The following TNS1 variants were observed in gnomAD, a reference collection of about 807,000 sequenced individuals.
The protein encoded by TNS1 is tensin 1, also known as tensin-1.
Under a neutral mutation model 168.6 loss-of-function variants are expected in TNS1, and 62 were observed. The observed-to-expected ratio is 0.37, with a 90% CI of 0.30 to 0.45. TNS1 has a LOEUF of 0.45. Among genes scored for constraint, TNS1 ranks in the 20% least tolerant of loss-of-function variants. TNS1 has a pLI of 1.00. For missense variants in TNS1, 2,240 were observed against 2,339.4 expected (o/e 0.96, Z 0.88); for synonymous variants, 934 against 933.2 (o/e 1.00, Z -0.02).
intron 4 of TNS1, among the ~76,000 whole-genome samples, chr2:217,916,841 G>A (rs553530803): frequency 7.2e-5 from 11 of 152,168 alleles, no homozygotes; most frequent in Non-Finnish European, 1.2e-4. Flanking sequence ...TCCAGACAGA[G>A]AGCTGGAACT....
chr2:217,871,137 G>A (rs1191271275), intron 18 of TNS1, among the ~76,000 whole-genome samples: 1 of 152,210 alleles, frequency 6.6e-6, no homozygotes, highest in African/African-American at 2.4e-5. Context: ...GAGGACAAGA[G>A]GACCAATCTG....
intron 3 of TNS1, among the ~76,000 whole-genome samples, chr2:217,955,116 T>C (rs1275415760): frequency 2.6e-5 from 4 of 152,232 alleles, no homozygotes; most frequent in African/African-American, 9.6e-5. Context: ...GAGGAGAAAC[T>C]GCTGGCTAAT....
In TNS1 at chr2:217,893,429, C is replaced by CAT. The variant is rs768362246; in HGVS notation, c.717+9_717+10insAT. ...ACACACACACACACACACACACACA[C>CAT]AGCTCTGACCTTGTTGTGTAGAACA... is the stretch of plus-strand genomic sequence containing the variant. On this transcript the variant is annotated intron_variant, in intron 10 of 32. Transcript: ENST00000682258. The CAT allele has an allele frequency of 4.1e-5, 66 of 1,590,966 alleles. No homozygotes were observed. Among genetic ancestry groups the CAT allele is most frequent in the Non-Finnish European group, 5.1e-5 (60 of 1,165,196 alleles).
chr2:217,979,218 A>C (rs971311058), intron 2 of TNS1, among the ~76,000 whole-genome samples: 3 of 152,090 alleles, frequency 2.0e-5, no homozygotes, highest in Non-Finnish European at 2.9e-5. Context: ...CGCAAACCAC[A>C]ATCACACTTA....
chr2:217,894,710 G>A (rs531432072), intron 9 of TNS1, among the ~76,000 whole-genome samples: 3 of 152,084 alleles, frequency 2.0e-5, no homozygotes, highest in South Asian at 2.1e-4. Flanking sequence ...CGAAAGCAGC[G>A]GCTCCCAACT....
At chr2:217,849,786 C>A in intron 18 of TNS1, 1 of 985,410 alleles carries the variant, frequency 1.0e-6, no homozygotes, top group African/African-American at 1.7e-5. Context: ...CCAGTCGCCC[C>A]GAGGATAGCC....
intron 10 of TNS1, 59 bp downstream of exon 10, chr2:217,893,380 A>G (rs1246760478): frequency 1.3e-6 from 2 of 1,515,394 alleles, no homozygotes; most frequent in Non-Finnish European, 1.8e-6. Flanking sequence ...GCACACACAC[A>G]TGTGCGCATG....
chr2:217,946,649 G>A (rs1957111861), intron 3 of TNS1, among the ~76,000 whole-genome samples: 1 of 152,060 alleles, frequency 6.6e-6, no homozygotes, highest in East Asian at 1.9e-4. Context: ...GTGACAGATT[G>A]GGCTGGGAGA....
chr2:217,982,838 C>A (rs895487119), intron 2 of TNS1, among the ~76,000 whole-genome samples: 4 of 152,230 alleles, frequency 2.6e-5, no homozygotes, highest in African/African-American at 9.6e-5. Context: ...AGGCCATCTC[C>A]TGGGTCCTAC....
intron 6 of TNS1, chr2:217,901,985 G>C (rs915120482): frequency 6.6e-6 from 1 of 152,336 alleles, no homozygotes; most frequent in Non-Finnish European, 1.5e-5. Context: ...AGCAGTGAAG[G>C]AGGGAAGAGC....
intron 3 of TNS1, among the ~76,000 whole-genome samples, chr2:217,940,017 A>G (rs1956832217): frequency 1.3e-5 from 2 of 152,268 alleles, no homozygotes; most frequent in African/African-American, 2.4e-5. Flanking sequence ...GTGACCTTGC[A>G]TAATGGAAGT....
chr2:218,012,873 G>A (rs142827489), upstream of TNS1, among the ~76,000 whole-genome samples: 138 of 152,270 alleles, frequency 9.1e-4, 1 homozygote, highest in Middle Eastern at 6.8e-3. Flanking sequence ...GGGAGTGGGA[G>A]AGTTGGGTGG....
chr2:217,884,152 T>TGGATGGATGGATGGAC (rs1480157402), intron 16 of TNS1, among the ~76,000 whole-genome samples: 5 of 145,048 alleles, frequency 3.4e-5, no homozygotes, highest in Non-Finnish European at 5.9e-5. Flanking sequence ...GGTGGGTGGA[T>TGGATGGATGGATGGAC]GGATGGATGG....
At chr2:217,806,067 G>A (rs556148701) in intron 32 of TNS1, among the ~76,000 whole-genome samples, 1 of 152,340 alleles carries the variant, frequency 6.6e-6, no homozygotes, top group Non-Finnish European at 1.5e-5. Flanking sequence ...CAGACCATGA[G>A]CAGGGGTGGG....
chr2:217,938,653 G>A (rs905329614), intron 3 of TNS1, among the ~76,000 whole-genome samples: 5 of 152,234 alleles, frequency 3.3e-5, no homozygotes, highest in Non-Finnish European at 7.3e-5. Flanking sequence ...CTGGAGGCCA[G>A]GTGAGGTCCT....
chr2:217,968,799 A>C (rs1957708594), intron 3 of TNS1, among the ~76,000 whole-genome samples: 1 of 151,810 alleles, frequency 6.6e-6, no homozygotes, highest in African/African-American at 2.4e-5. Flanking sequence ...GGTTCAAGAG[A>C]TCTTCCTACG....
intron 3 of TNS1, among the ~76,000 whole-genome samples, chr2:217,953,186 G>C (rs552136888): frequency 1.5e-4 from 23 of 152,288 alleles, no homozygotes; most frequent in Admixed American, 1.3e-4. Context: ...CCAGATGAAG[G>C]ATGCTTGGGC....
At chr2:217,946,763 C>T (rs1957115736) in intron 3 of TNS1, among the ~76,000 whole-genome samples, 1 of 152,014 alleles carries the variant, frequency 6.6e-6, no homozygotes, top group African/African-American at 2.4e-5. Flanking sequence ...AGCCTGCCTG[C>T]TCCAGCACCT....
At chr2:217,867,722 GCCTCAGGGCC>G (rs918971231) in intron 18 of TNS1, among the ~76,000 whole-genome samples, 5 of 152,316 alleles carry the variant, frequency 3.3e-5, no homozygotes, top group African/African-American at 1.2e-4. Flanking sequence ...GTGGGCCCCT[GCCTCAGGGCC>G]TTTGCACCTG....
Sources: gnomAD v4.1 joint callset for allele counts (sites outside exome capture counted in the v4.1 genomes callset) on GRCh38, gnomAD v4.1.1 for gene constraint, MANE v1.5 for transcripts, NCBI Gene and HGNC (gene_info 2026-07-23, HGNC 2026-07-21) for gene names.